CLCF1: variants seen among roughly 807,000 people sequenced by gnomAD.
CLCF1 encodes the protein cardiotrophin like cytokine factor 1.
Under a neutral mutation model 21.2 loss-of-function variants are expected in CLCF1, and 10 were observed. That is an observed-to-expected ratio of 0.47 (90% CI 0.29 to 0.80). The LOEUF (loss-of-function observed/expected upper bound fraction) is 0.80. Ranked by LOEUF, CLCF1 falls within the 30% of genes least tolerant of loss-of-function variation. The pLI is 0.09. For synonymous variants in CLCF1, 115 were observed against 120.5 expected (o/e 0.95, Z 0.30); for missense variants, 240 against 293.4 (o/e 0.82, Z 1.33).
At position 67,368,912 on chromosome 11, in the gene CLCF1, CTTTTTT is replaced by C. The variant is rs10666079; in HGVS notation, c.17-1292_17-1287del. On this transcript the variant is annotated intron_variant, in intron 1 of 2. Transcript: ENST00000312438. ...TCTTTCCTATAGTTCTTTTTTTTTC[CTTTTTT>C]TTTTTTTTTTTTGCTGCCACCTTCT... is the stretch of plus-strand genomic sequence containing the variant. 186 of 685,122 alleles carry C rather than the reference CTTTTTT, an allele frequency of 2.7e-4. No individual in the cohort carries two copies. The Admixed American group carries it at 2.8e-3, about 10-fold the overall frequency. 42.4% of individuals were successfully genotyped at this position (685,122 alleles called of 1,614,324 possible).
At chr11:67,371,914 G>C (rs1216732422) in intron 1 of CLCF1, among the ~76,000 whole-genome samples, 1 of 152,190 alleles carries the variant, frequency 6.6e-6, no homozygotes. Flanking sequence ...GGGACAGGGA[G>C]CCATTGCACC....
rs746440997 is a variant in CLCF1 at position 67,365,161 on chromosome 11, A to G, written c.653T>C (p.Leu218Pro). Residue 218 changes from leucine (L) to proline (P), a missense_variant, in exon 3 of 3, where the codon CTG becomes CCG. By Grantham distance (98) the Leu-to-Pro change is moderately conservative. Coordinates refer to ENST00000312438, the MANE Select transcript of CLCF1 (RefSeq NM_013246.3). This position sits in a 1 kb window ranked among gnomAD's most constrained non-coding sequence, Gnocchi z 5.0. ...TCAGAAGCCATGAGCCCCCAGGTGC[A>G]GGGTGACTGCAGCTGCTGGAGGCTG... ...KMQPPAAAVTLHLGAHGF is the reference protein window; with the variant it reads ...KMQPPAAAVTPHLGAHGF 6.2e-7 allele frequency: 1 copy of G among 1,614,012 alleles called. No homozygotes were observed. The highest frequency in any genetic ancestry group is 8.5e-7 in the Non-Finnish European group (1 of 1,180,030).
At chr11:67,367,842 G>A (rs1218878220) in intron 1 of CLCF1, 21 of 985,312 alleles carry the variant, frequency 2.1e-5, no homozygotes, top group South Asian at 9.4e-5. Context: ...GACTTGGCAC[G>A]CATGAGTGTC....
intron 1 of CLCF1, chr11:67,370,339 A>C (rs1350040003): frequency 1.0e-6 from 1 of 985,152 alleles, no homozygotes; most frequent in Admixed American, 6.2e-5. Flanking sequence ...CATGTTGTGC[A>C]GGTGGACCCC....
At chr11:67,373,044 C>T (rs1342401522) in intron 1 of CLCF1, among the ~76,000 whole-genome samples, 1 of 151,390 alleles carries the variant, frequency 6.6e-6, no homozygotes, top group Non-Finnish European at 1.5e-5. Context: ...CCTCCTACCC[C>T]TCCCGGCGGG....
rs949047917 is a variant in CLCF1, at chr11:67,366,000, G to C, written c.184-370C>G. On this transcript the variant is annotated intron_variant, in intron 2 of 2. Coordinates refer to ENST00000312438, the MANE Select transcript of CLCF1 (RefSeq NM_013246.3). This position sits in a 1 kb window ranked among gnomAD's most constrained non-coding sequence, Gnocchi z 5.0. ...GCCTGGAGGAGCTGGAGAGGTAGAA[G>C]GTGGCCCAGGAGAGTGCAGAGACCA... Among the ~76,000 whole-genome samples the C allele has an allele frequency of 6.6e-6, 1 of 152,198 alleles. No individual in the cohort carries two copies. Among genetic ancestry groups the C allele is most frequent in the African/African-American group, 2.4e-5 (1 of 41,442 alleles).
intron 1 of CLCF1, chr11:67,368,176 TAG>T: frequency 1.0e-6 from 1 of 985,412 alleles, no homozygotes; most frequent in Non-Finnish European, 1.2e-6. Context: ...GGTATAGGGT[TAG>T]ACCACTAGGG....
Position 67,364,995 on chromosome 11 carries a change from A to G in CLCF1, c.*141T>C. The G allele has an allele frequency of 2.8e-6, 4 of 1,414,332 alleles. No homozygotes were observed. Among genetic ancestry groups the G allele is most frequent in the Non-Finnish European group, 3.8e-6 (4 of 1,040,316 alleles). 87.6% of individuals were successfully genotyped at this position (1,414,332 alleles called of 1,614,324 possible). A position where few individuals can be genotyped will look rare whatever the true frequency, so the allele number is the denominator to read the frequency against. On this transcript the variant is annotated 3_prime_UTR_variant, in exon 3 of 3. Transcript: ENST00000312438. The stretch of plus-strand genomic sequence containing the variant: ...GTGGGGAGGAGACAGGGCTGATCGC[A>G]TCACACGCCCAGCCGGTCCAGGAAA...
At chr11:67,370,010 C>T in intron 1 of CLCF1, 1 of 985,044 alleles carries the variant, frequency 1.0e-6, no homozygotes, top group Non-Finnish European at 1.2e-6. Flanking sequence ...TCGTTGCAGG[C>T]TGCGGGTGGG....
In CLCF1 at chr11:67,365,150, C is replaced by T. The variant is rs751882287; in HGVS notation, c.664G>A (p.Ala222Thr). The T allele has an allele frequency of 6.2e-7, 1 of 1,610,116 alleles. No individual in the cohort carries two copies. Among genetic ancestry groups the T allele is most frequent in the African/African-American group, 1.4e-5 (1 of 71,844 alleles). Residue 222 changes from alanine to threonine, a missense_variant, in exon 3 of 3, where the codon GCT becomes ACT. Transcript: ENST00000312438. The surrounding 1 kb of genome is among the most constrained non-coding windows in gnomAD (Gnocchi z 5.0). ...AAGGTCAGAAGTCAGAAGCCATGAGCCCCCAGGTGCAGGGTGACTGCAGCT... is the reference window on the plus strand; with the variant it reads ...AAGGTCAGAAGTCAGAAGCCATGAGTCCCCAGGTGCAGGGTGACTGCAGCT... ...PAAAVTLHLG[A>T]HGF
intron 1 of CLCF1, chr11:67,369,405 C>G (rs1335811402): frequency 1.0e-6 from 1 of 985,270 alleles, no homozygotes; most frequent in Non-Finnish European, 1.2e-6. Flanking sequence ...CCAGCTCACC[C>G]TTTCCTGTCC....
At chr11:67,373,060 G>A (rs1414441540) in intron 1 of CLCF1, among the ~76,000 whole-genome samples, 2 of 150,444 alleles carry the variant, frequency 1.3e-5, no homozygotes, top group South Asian at 2.1e-4. Context: ...GCGGGCCGGG[G>A]AGGGAGAGCG....
At chr11:67,369,975 A>T (rs1366962132) in intron 1 of CLCF1, 2 of 985,234 alleles carry the variant, frequency 2.0e-6, no homozygotes, top group Non-Finnish European at 1.2e-6. Context: ...GTTTCCAGGA[A>T]TATTTCAGTT....
Position 67,365,542 on chromosome 11 carries a change from A to G in CLCF1, c.272T>C (p.Leu91Ser). The G allele has an allele frequency of 6.2e-7, 1 of 1,613,990 alleles. No individual in the cohort carries two copies. The highest frequency in any genetic ancestry group is 8.5e-7 in the Non-Finnish European group (1 of 1,179,868). ...AETLPRATVD[L>S]EVWRSLNDKL... is the part of the protein sequence containing the mutation. Reference sequence around the variant, plus strand: ...GTCATTGAGGCTTCGCCACACCTCCAAGTCAACAGTGGCCCTGGGCAGAGT... The same window carrying G: ...GTCATTGAGGCTTCGCCACACCTCCGAGTCAACAGTGGCCCTGGGCAGAGT... Residue 91 changes from leucine to serine, a missense_variant, in exon 3 of 3, where the codon TTG (leucine) becomes TCG (serine). Leu to Ser is a moderately radical substitution (Grantham distance 145). Transcript: ENST00000312438. This position sits in a 1 kb window ranked among gnomAD's most constrained non-coding sequence, Gnocchi z 5.0.
chr11:67,370,840 G>A, intron 1 of CLCF1: 1 of 985,418 alleles, frequency 1.0e-6, no homozygotes, highest in Non-Finnish European at 1.2e-6. Context: ...GTCAATGGGA[G>A]TCTCTGCACC....
At chr11:67,370,231 G>A in intron 1 of CLCF1, 1 of 985,402 alleles carries the variant, frequency 1.0e-6, no homozygotes, top group Non-Finnish European at 1.2e-6. Flanking sequence ...AACACCTGCG[G>A]TTTAGTCGTG....
intron 1 of CLCF1, chr11:67,368,643 G>A: frequency 1.0e-6 from 1 of 985,416 alleles, no homozygotes; most frequent in Non-Finnish European, 1.2e-6. Flanking sequence ...ATTGGGCTAG[G>A]TTAGGTTTAA....
chr11:67,365,427 C>G lies in CLCF1; in HGVS notation c.387G>C (p.Leu129=), dbSNP rs745851012. The G allele has an allele frequency of 9.9e-6, 16 of 1,613,778 alleles. No homozygotes were observed. Among genetic ancestry groups the G allele is most frequent in the Admixed American group, 1.7e-5 (1 of 60,022 alleles). The change falls in exon 3 of 3, where the codon CTG becomes CTC. Residue 129 remains leucine (L), a synonymous_variant. Transcript: ENST00000312438. This position sits in a 1 kb window ranked among gnomAD's most constrained non-coding sequence, Gnocchi z 5.0. ...GLNRQAATAE[L]RRSLAHFCTS... ...TGCAGAAGTGGGCCAGGCTGCGGCG[C>G]AGCTCAGCAGTGGCAGCCTGACGGT...
At position 67,367,355 on chromosome 11, in the gene CLCF1, G is replaced by GC; in HGVS notation, c.183+104dup. ...CAGGGGGACTGGTGGGAGCCAAAGA[G>GC]CCCCTCCTCACCCCATCATTTACCA... is the stretch of plus-strand genomic sequence containing the variant. On this transcript the variant is annotated intron_variant, in intron 2 of 2. Transcript: ENST00000312438. 1.9e-6 allele frequency: 3 copies of GC among 1,558,306 alleles called. No homozygotes were observed. In the East Asian group the frequency reaches 6.8e-5, roughly 35 times the overall value.
Sources: gnomAD v4.1 joint callset for allele counts (sites outside exome capture counted in the v4.1 genomes callset) on GRCh38, gnomAD v4.1.1 for gene constraint, Gnocchi (gnomAD v3.1) non-coding constraint, MANE v1.5 for transcripts, NCBI Gene and HGNC (gene_info 2026-07-23, HGNC 2026-07-21) for gene names.